AMZ1: variants seen among roughly 807,000 people sequenced by gnomAD.
AMZ1 encodes archaelysin family metallopeptidase 1, also known as archaemetzincin-1.
In AMZ1, 39 loss-of-function variants were observed where a neutral mutation model predicts 29.9. The observed-to-expected ratio is 1.30, with a 90% CI of 1.01 to 1.70. The LOEUF (loss-of-function observed/expected upper bound fraction) is 1.70, where lower values mean the gene tolerates loss of function less well. AMZ1 is among the 40% of genes most tolerant of loss of function. AMZ1 has a pLI of 0.00. For missense variants in AMZ1, 1,041 were observed against 680.6 expected (o/e 1.53, Z -5.89); for synonymous variants, 458 against 304.0 (o/e 1.51, Z -5.27).
chr7:2,705,690 C>G (rs943412009), intron 3 of AMZ1, among the ~76,000 whole-genome samples: 1 of 152,184 alleles, frequency 6.6e-6, no homozygotes, highest in African/African-American at 2.4e-5. Flanking sequence ...GGTCCCCTGG[C>G]TGGGGTGGGG....
chr7:2,685,608 A>T (rs1583132721), upstream of AMZ1, among the ~76,000 whole-genome samples: 1 of 150,754 alleles, frequency 6.6e-6, no homozygotes, highest in Non-Finnish European at 1.5e-5. Flanking sequence ...TAATCCCAGC[A>T]CTTTGGGAGG....
intron 1 of AMZ1, among the ~76,000 whole-genome samples, chr7:2,699,836 C>G (rs1011329924): frequency 2.6e-5 from 4 of 152,144 alleles, no homozygotes; most frequent in South Asian, 2.1e-4. Context: ...CCTCCAAGGC[C>G]TCTAGACAGA....
Position 2,700,775 on chromosome 7 carries a change from A to G in AMZ1, c.304+20A>G. 2 of 1,606,686 alleles carry G rather than the reference A, an allele frequency of 1.2e-6. No individual in the cohort carries two copies. Among genetic ancestry groups the G allele is most frequent in the African/African-American group, 1.3e-5 (1 of 74,902 alleles). On this transcript the variant is annotated intron_variant, in intron 2 of 6. Transcript: ENST00000683327. ...CGATAGGTACGGGACGCCTGCAGCCATCGGCACGCTCCTGGGGGACCAGCT... is the reference window on the plus strand; with the variant it reads ...CGATAGGTACGGGACGCCTGCAGCCGTCGGCACGCTCCTGGGGGACCAGCT...
intron 4 of AMZ1, chr7:2,729,657 G>C (rs1789789075): frequency 6.6e-6 from 1 of 152,338 alleles, no homozygotes; most frequent in South Asian, 2.1e-4. Flanking sequence ...AGGGGCTCGG[G>C]GCTCGGGGCA....
In AMZ1 at chr7:2,712,391, C is replaced by A. The variant is rs563263197; in HGVS notation, c.1010C>A (p.Pro337Gln). 6.2e-7 allele frequency: 1 copy of A among 1,609,998 alleles called. No individual in the cohort carries two copies. Among genetic ancestry groups the A allele is most frequent in the East Asian group, 2.2e-5 (1 of 44,858 alleles). ...GTWPSQEAGE[P>Q]SVWEDTPPAS... is the part of the protein sequence containing the mutation. ...TGGCCCAGCCAGGAGGCGGGGGAGC[C>A]GTCAGTGTGGGAGGACACCCCGCCT... Residue 337 changes from proline to glutamine, a missense_variant, in exon 7 of 7, where the codon CCG (proline) becomes CAG (glutamine). Physicochemically the swap from Pro to Gln is moderately conservative, Grantham distance 76 (BLOSUM62 -1). Transcript: ENST00000683327.
intron 1 of AMZ1, among the ~76,000 whole-genome samples, chr7:2,679,961 G>A (rs1786825120): frequency 6.6e-6 from 1 of 152,230 alleles, no homozygotes; most frequent in Admixed American, 6.5e-5. Flanking sequence ...CCGGAGGTAG[G>A]AACTAGGGAT....
chr7:2,715,069 G>C lies in AMZ1; in HGVS notation c.*2191G>C, dbSNP rs947708148. 6.6e-6 allele frequency: 1 copy of C among 152,270 alleles called. No homozygotes were observed. Among genetic ancestry groups the C allele is most frequent in the South Asian group, 2.1e-4 (1 of 4,828 alleles). 9.4% of individuals were successfully genotyped at this position (152,270 alleles called of 1,614,324 possible). On this transcript the variant is annotated 3_prime_UTR_variant, in exon 7 of 7. Transcript: ENST00000683327. ...AAAAAAAGAGGGTCACTTTCAGAAA[G>C]GGACCTGGGCTTCCTCACAATATGG...
At chr7:2,705,904 C>A (rs557914005) in intron 3 of AMZ1, among the ~76,000 whole-genome samples, 1 of 152,252 alleles carries the variant, frequency 6.6e-6, no homozygotes, top group African/African-American at 2.4e-5. Context: ...TCACCTCCCC[C>A]ACGCCGTACA....
At chr7:2,740,478 G>A (rs989996131) in intron 4 of AMZ1, among the ~76,000 whole-genome samples, 2 of 152,160 alleles carry the variant, frequency 1.3e-5, no homozygotes, top group African/African-American at 4.8e-5. Context: ...ACCTGATGGT[G>A]CTGCCACCCA....
intron 4 of AMZ1, among the ~76,000 whole-genome samples, chr7:2,755,091 C>T (rs924539726): frequency 6.6e-6 from 1 of 151,504 alleles, no homozygotes. Context: ...GGCGTGCTGG[C>T]GGGGAGCGAT....
In AMZ1 at chr7:2,703,844, A is replaced by C. The variant is rs528412171; in HGVS notation, c.472+955A>C. Among the ~76,000 whole-genome samples the C allele has an allele frequency of 1.0e-3, 154 of 152,252 alleles. 1 individual carries two copies. Among genetic ancestry groups the C allele is most frequent in the Admixed American group, 3.3e-3 (50 of 15,292 alleles). ...ATCATTCATGCTTTAGTCTGAATTT[A>C]TTCTCATCCTTTGGCTAAGGCTTAC... is the stretch of plus-strand genomic sequence containing the variant. On this transcript the variant is annotated intron_variant, in intron 3 of 6. Transcript: ENST00000683327.
intron 1 of AMZ1, among the ~76,000 whole-genome samples, chr7:2,682,315 G>T (rs1271164773): frequency 6.6e-6 from 1 of 152,110 alleles, no homozygotes; most frequent in African/African-American, 2.4e-5. Flanking sequence ...GCAGCTCCAG[G>T]AGTCAGGGTC....
chr7:2,761,359 T>C (rs746380630), upstream of AMZ1, among the ~76,000 whole-genome samples: 1 of 152,234 alleles, frequency 6.6e-6, no homozygotes, highest in Non-Finnish European at 1.5e-5. Context: ...GGCACGCAGA[T>C]GGCAGCTGTG....
Position 2,702,903 on chromosome 7 carries a change from G to T in AMZ1, c.472+14G>T. The T allele has an allele frequency of 6.4e-7, 1 of 1,570,394 alleles. No homozygotes were observed. The highest frequency in any genetic ancestry group is 1.3e-5 in the African/African-American group (1 of 74,150). On this transcript the variant is annotated intron_variant, in intron 3 of 6. Transcript: ENST00000683327. ...AGCTCCACACAGGTGAGTGAGGACG[G>T]CAGCCGCCGCTCAGGCCAAGGCAGG...
intron 6 of AMZ1, among the ~76,000 whole-genome samples, chr7:2,710,308 C>A (rs149095294): frequency 4.6e-5 from 7 of 152,158 alleles, no homozygotes; most frequent in Admixed American, 2.0e-4. Flanking sequence ...GCAAAGGGCT[C>A]GTCCGTATTC....
intron 3 of AMZ1, among the ~76,000 whole-genome samples, chr7:2,707,818 CT>C (rs60848680): frequency 0.013 from 1,251 of 95,258 alleles, 2 homozygotes; most frequent in Admixed American, 0.027. Context: ...CTAACGAGGG[CT>C]TTTTTTTTTT....
chr7:2,727,875 G>A (rs985870323), intron 4 of AMZ1, among the ~76,000 whole-genome samples: 4 of 151,682 alleles, frequency 2.6e-5, no homozygotes, highest in African/African-American at 9.7e-5. Flanking sequence ...GGCCAACATG[G>A]TGAAACCCTG....
At position 2,712,785 on chromosome 7, in the gene AMZ1, G is replaced by A; in HGVS notation, c.1404G>A (p.Gly468=). 7.6e-6 allele frequency: 12 copies of A among 1,572,128 alleles called. No individual in the cohort carries two copies. Among genetic ancestry groups the A allele is most frequent in the Non-Finnish European group, 1.0e-5 (12 of 1,156,892 alleles). The part of the protein sequence containing the change: ...RDSVGLRKVL[G]DKFSSLRRKL... ...GCGTGGGGCTGCGCAAGGTGCTGGG[G>A]GACAAGTTCTCCTCCCTGAGGAGGA... Residue 468 remains glycine, a synonymous_variant, in exon 7 of 7, where the codon GGG becomes GGA. Coordinates refer to ENST00000683327, the MANE Select transcript of AMZ1 (RefSeq NM_001384743.1).
Position 2,758,209 on chromosome 7 carries a change from G to A in AMZ1, n.551-6503G>A, listed in dbSNP as rs530062166. On this transcript the variant is annotated intron_variant and non_coding_transcript_variant, in intron 4 of 4. Transcript: ENST00000489665. ...TATCGATGCTTACAGTATTAGAAAT[G>A]AAAACTCAGAGCTTTTAAGAAAACA... Among the ~76,000 whole-genome samples, 11 of 152,300 alleles carry A rather than the reference G, an allele frequency of 7.2e-5. No homozygotes were observed. In the South Asian group the frequency reaches 2.3e-3, roughly 32 times the overall value.
Sources: allele counts gnomAD v4.1 joint callset (sites outside exome capture counted in the v4.1 genomes callset), GRCh38; gene constraint gnomAD v4.1.1; transcripts MANE v1.5; gene names NCBI Gene and HGNC (gene_info 2026-07-23, HGNC 2026-07-21).